Variants in FOXO3 observed in about 807,000 individuals in gnomAD.
FOXO3 encodes the protein forkhead box O3.
Under a neutral mutation model 41.9 loss-of-function variants are expected in FOXO3, and 4 were observed. The observed-to-expected ratio is 0.10, with a 90% CI of 0.05 to 0.22. FOXO3 has a LOEUF of 0.22. Ranked by LOEUF, FOXO3 falls within the 10% of genes least tolerant of loss-of-function variation. FOXO3 has a pLI of 1.00. For synonymous variants in FOXO3, 318 were observed against 389.3 expected (o/e 0.82, Z 2.16); for missense variants, 534 against 906.8 (o/e 0.59, Z 5.28).
rs1267320734 is a variant in FOXO3 at position 108,566,992 on chromosome 6, G to T, written c.621+5163G>T. ...AAGGCATGCTGCTTGCAGAGCATTT[G>T]CCAGGACTTAGGGATATAGTGGTAG... On this transcript the variant is annotated intron_variant, in intron 1 of 2. Transcript: ENST00000406360. Among the ~76,000 whole-genome samples the T allele has an allele frequency of 2.0e-5, 3 of 152,220 alleles. No individual in the cohort carries two copies. In the East Asian group the frequency reaches 5.8e-4, roughly 29 times the overall value.
intron 1 of FOXO3, among the ~76,000 whole-genome samples, chr6:108,637,148 A>G (rs1778141481): frequency 6.6e-6 from 1 of 152,214 alleles, no homozygotes; most frequent in Non-Finnish European, 1.5e-5. Flanking sequence ...AAATTGAGGT[A>G]TTGAGAGAAC....
rs529216106 is a variant in FOXO3 at position 108,625,940 on chromosome 6, C to T, written c.622-37515C>T. ...TGCAAGGAAAGCCAGAGCACTTTGA[C>T]TTAGAATTGTGTCTGAATTCAGCTG... On this transcript the variant is annotated intron_variant, in intron 1 of 2. Transcript: ENST00000406360. Among the ~76,000 whole-genome samples, 8 of 152,306 alleles carry T rather than the reference C, an allele frequency of 5.3e-5. No individual in the cohort carries two copies. The South Asian group carries it at 1.5e-3, about 28-fold the overall frequency.
rs73763160 is a variant in FOXO3, at chr6:108,672,310, G to A, written c.*34+7421G>A. Among the ~76,000 whole-genome samples, 732 of 152,270 alleles carry A rather than the reference G, an allele frequency of 4.8e-3. 4 individuals carry two copies. The highest frequency in any genetic ancestry group is 0.017 in the African/African-American group (707 of 41,538). ...CTTATTAGTTACTGTGATACAATTT[G>A]AGGTTCAGAAAAGACAGTCACTGTA... is the stretch of plus-strand genomic sequence containing the variant. On this transcript the variant is annotated intron_variant, in intron 2 of 2. Coordinates refer to ENST00000406360, the MANE Select transcript of FOXO3 (RefSeq NM_001455.4).
intron 2 of FOXO3, among the ~76,000 whole-genome samples, chr6:108,674,712 G>A (rs949696936): frequency 2.6e-5 from 4 of 152,174 alleles, no homozygotes; most frequent in African/African-American, 4.8e-5. Flanking sequence ...TCGGACAAGC[G>A]GAGGGTTTGT....
upstream of FOXO3, among the ~76,000 whole-genome samples, chr6:108,560,483 C>T (rs1044255997): frequency 6.6e-6 from 1 of 152,204 alleles, no homozygotes; most frequent in East Asian, 1.9e-4. Flanking sequence ...TGCGCCCAGA[C>T]CCCCGTTCGC....
At chr6:108,678,869 CTT>C (rs1156923290) in intron 2 of FOXO3, among the ~76,000 whole-genome samples, 1,091 of 54,944 alleles carry the variant, frequency 0.02, 10 homozygotes, top group African/African-American at 0.042. Context: ...TTCTTAAATT[CTT>C]TTTTTTTTTT....
intron 1 of FOXO3, among the ~76,000 whole-genome samples, chr6:108,568,728 C>G (rs1284554707): frequency 6.6e-6 from 1 of 152,096 alleles, no homozygotes; most frequent in African/African-American, 2.4e-5. Flanking sequence ...TGGATACTTG[C>G]AGCTCTGAAG....
chr6:108,669,131 A>G (rs1471366079), intron 2 of FOXO3, among the ~76,000 whole-genome samples: 2 of 152,150 alleles, frequency 1.3e-5, no homozygotes, highest in Non-Finnish European at 2.9e-5. Context: ...AAAAAAATAA[A>G]AACTAAATAA....
chr6:108,566,627 C>T (rs1445589994), intron 1 of FOXO3, among the ~76,000 whole-genome samples: 1 of 152,078 alleles, frequency 6.6e-6, no homozygotes, highest in African/African-American at 2.4e-5. Context: ...GCCCCACTTA[C>T]CCAGAGCAGG....
At chr6:108,560,357 C>G (rs920734373), upstream of FOXO3, among the ~76,000 whole-genome samples, 1 of 152,206 alleles carries the variant, frequency 6.6e-6, no homozygotes, top group East Asian at 1.9e-4. Flanking sequence ...GCAAACCACA[C>G]AAAACCCCGA....
At position 108,664,873 on chromosome 6, in the gene FOXO3, G is replaced by A. The variant is rs1353831288; in HGVS notation, c.*18G>A. 3.8e-6 allele frequency: 6 copies of A among 1,595,404 alleles called. No individual in the cohort carries two copies. The highest frequency in any genetic ancestry group is 4.3e-6 in the Non-Finnish European group (5 of 1,170,418). On this transcript the variant is annotated 3_prime_UTR_variant, in exon 2 of 3. Coordinates refer to ENST00000406360, the MANE Select transcript of FOXO3 (RefSeq NM_001455.4). The stretch of plus-strand genomic sequence containing the variant: ...CAGGCTGAAGGATCACTGAGGAAGG[G>A]GAAGTGGGCAAAGCAGGTCAGTGCC...
intron 2 of FOXO3, among the ~76,000 whole-genome samples, chr6:108,677,395 G>A (rs1348708959): frequency 6.6e-6 from 1 of 152,196 alleles, no homozygotes; most frequent in East Asian, 1.9e-4. Flanking sequence ...ATTGTGCTCT[G>A]TTAGGGGCTC....
intron 2 of FOXO3, among the ~76,000 whole-genome samples, chr6:108,666,072 C>T (rs1381944601): frequency 6.6e-6 from 1 of 152,128 alleles, no homozygotes; most frequent in Non-Finnish European, 1.5e-5. Context: ...TTCAGGCCCA[C>T]TTCTACCACT....
In FOXO3 at chr6:108,677,814, C is replaced by T. The variant is rs539864634; in HGVS notation, c.*35-2013C>T. On this transcript the variant is annotated intron_variant, in intron 2 of 2. Coordinates refer to ENST00000406360, the MANE Select transcript of FOXO3 (RefSeq NM_001455.4). ...GAATAGCACTGACTTTAGCAAGCTA[C>T]GGTCTTCACAGATGCTGAGATCTAG... 1.1e-4 allele frequency among the ~76,000 whole-genome samples: 17 copies of T among 152,166 alleles called. No homozygotes were observed. In the South Asian group the frequency reaches 1.7e-3, roughly 15 times the overall value.
At chr6:108,614,241 A>G (rs905561607) in intron 1 of FOXO3, among the ~76,000 whole-genome samples, 3 of 152,046 alleles carry the variant, frequency 2.0e-5, no homozygotes, top group Admixed American at 2.0e-4. Context: ...TCATTTTCTC[A>G]CTACATGTTC....
In FOXO3 at chr6:108,561,109, C is replaced by T. The variant is rs1469164794; in HGVS notation, c.-100C>T. On this transcript the variant is annotated 5_prime_UTR_variant, in exon 1 of 3. Transcript: ENST00000406360. ...AGGCGGCGGCGGCGGCGCCCGGGAG[C>T]CGGAGCCTTCGCGGCGTCCACGTCC... The T allele has an allele frequency of 2.8e-6, 4 of 1,432,660 alleles. No homozygotes were observed. The highest frequency in any genetic ancestry group is 2.9e-5 in the South Asian group (2 of 69,794). 88.7% of individuals were successfully genotyped at this position (1,432,660 alleles called of 1,614,324 possible). A position where few individuals can be genotyped will look rare whatever the true frequency, so the allele number is the denominator to read the frequency against.
intron 1 of FOXO3, among the ~76,000 whole-genome samples, chr6:108,578,971 C>T (rs1391785590): frequency 6.6e-6 from 1 of 152,114 alleles, no homozygotes; most frequent in Non-Finnish European, 1.5e-5. Context: ...ACTCTGTAGT[C>T]CATTAAGCAG....
intron 1 of FOXO3, among the ~76,000 whole-genome samples, chr6:108,604,334 T>C (rs999847568): frequency 6.6e-6 from 1 of 152,214 alleles, no homozygotes; most frequent in Non-Finnish European, 1.5e-5. Context: ...GTGAAAGTCA[T>C]TGGGTTCCTT....
Position 108,561,381 on chromosome 6 carries a change from C to A in FOXO3, c.173C>A (p.Pro58His). ...SGETAADSMI[P>H]EEEDDEDDED... is the part of the protein sequence containing the mutation. The stretch of plus-strand genomic sequence containing the variant: ...GAGACGGCCGCCGACTCCATGATCC[C>A]CGAGGAGGAGGACGATGAAGACGAC... The change falls in exon 1 of 3, where the codon CCC (proline) becomes CAC (histidine). Residue 58 changes from proline to histidine, a missense_variant. By Grantham distance (77) the Pro-to-His change is moderately conservative. Coordinates refer to ENST00000406360, the MANE Select transcript of FOXO3 (RefSeq NM_001455.4). 1.9e-6 allele frequency: 3 copies of A among 1,555,358 alleles called. No homozygotes were observed. The highest frequency in any genetic ancestry group is 2.6e-6 in the Non-Finnish European group (3 of 1,152,156).
Sources: gnomAD v4.1 joint callset for allele counts (sites outside exome capture counted in the v4.1 genomes callset) on GRCh38, gnomAD v4.1.1 for gene constraint, MANE v1.5 for transcripts, NCBI Gene and HGNC (gene_info 2026-07-23, HGNC 2026-07-21) for gene names.